Variants in TGFBR2 observed in about 807,000 individuals in gnomAD.
TGFBR2 encodes the protein TGF-beta receptor type-2.
A neutral mutation model predicts 49.0 loss-of-function variants in TGFBR2; 18 were observed. The observed-to-expected ratio is 0.37, with a 90% CI of 0.25 to 0.54. The LOEUF is 0.54. TGFBR2 is among the 20% of genes least tolerant of loss of function. TGFBR2 has a pLI of 0.85. For synonymous variants in TGFBR2, 282 were observed against 275.9 expected (o/e 1.02, Z -0.22); for missense variants, 525 against 722.6 (o/e 0.73, Z 3.13).
rs1392363445 is a variant in TGFBR2, at chr3:30,693,090, T to C, written c.*1491T>C. 4.3e-6 allele frequency: 1 copy of C among 233,180 alleles called. No individual in the cohort carries two copies. The highest frequency in any genetic ancestry group is 2.2e-5 in the African/African-American group (1 of 45,356). 14.4% of individuals were successfully genotyped at this position (233,180 alleles called of 1,614,324 possible). On this transcript the variant is annotated 3_prime_UTR_variant, in exon 7 of 7. Coordinates refer to ENST00000295754, the MANE Select transcript of TGFBR2 (RefSeq NM_003242.6). ...TGACTACCTTATCTGGTGTTAAGAT[T>C]TGAAGTTGGCCTTTTATTGGACTAA...
At chr3:30,622,879 C>CAAAAAAAAAAAAAAAA (rs10575244) in intron 1 of TGFBR2, among the ~76,000 whole-genome samples, 1 of 75,624 alleles carries the variant, frequency 1.3e-5, no homozygotes, top group Non-Finnish European at 2.3e-5. Context: ...GACTTTGTCT[C>CAAAAAAAAAAAAAAAA]AAAAAAAAAA....
At chr3:30,644,712 G>T in intron 1 of TGFBR2, 35 bp from the exon 2 acceptor site, 1 of 1,604,278 alleles carries the variant, frequency 6.2e-7, no homozygotes. Context: ...CCTGGCAGTT[G>T]GATAATCATT....
At chr3:30,632,788 G>A (rs1014356670) in intron 1 of TGFBR2, among the ~76,000 whole-genome samples, 5 of 152,138 alleles carry the variant, frequency 3.3e-5, no homozygotes, top group Non-Finnish European at 5.9e-5. Flanking sequence ...TACATGGGAC[G>A]ATTTCATAAA....
intron 1 of TGFBR2, among the ~76,000 whole-genome samples, chr3:30,624,368 G>C (rs894973311): frequency 2.0e-5 from 3 of 151,952 alleles, no homozygotes; most frequent in Admixed American, 1.3e-4. Context: ...CTGTAATCCC[G>C]GATCTTTGGG....
At position 30,676,715 on chromosome 3, in the gene TGFBR2, G is replaced by A. The variant is rs182570550; in HGVS notation, c.1396+2469G>A. On this transcript the variant is annotated intron_variant, in intron 5 of 6. Transcript: ENST00000295754. This position sits in a 1 kb window ranked among gnomAD's most constrained non-coding sequence, Gnocchi z 4.3. ...GAATATGCATAGCCAATTCTCCAGC[G>A]TGGGTCCGGGTCACCCCCTCCCATC... Among the ~76,000 whole-genome samples the A allele has an allele frequency of 9.2e-5, 14 of 152,304 alleles. No individual in the cohort carries two copies. Among genetic ancestry groups the A allele is most frequent in the Admixed American group, 2.0e-4 (3 of 15,302 alleles).
At chr3:30,657,557 A>G (rs1270698285) in intron 3 of TGFBR2, among the ~76,000 whole-genome samples, 1 of 152,166 alleles carries the variant, frequency 6.6e-6, no homozygotes, top group Non-Finnish European at 1.5e-5. Flanking sequence ...AATAATGAAT[A>G]CTTTTAATAG....
chr3:30,665,517 C>T (rs1265260613), intron 3 of TGFBR2, among the ~76,000 whole-genome samples: 1 of 152,172 alleles, frequency 6.6e-6, no homozygotes, highest in Non-Finnish European at 1.5e-5. Flanking sequence ...CTTATTGTTA[C>T]AAGATTTCAA....
In TGFBR2 at chr3:30,663,978, T is replaced by G. The variant is rs1331181038; in HGVS notation, c.455-7660T>G. ...AAGAGGAAGAGAGGGCTAACTTTTT[T>G]GGGGGGGGGAGTTGGGGGGGCAGGG... On this transcript the variant is annotated intron_variant, in intron 3 of 6. Transcript: ENST00000295754. Among the ~76,000 whole-genome samples the G allele has an allele frequency of 4.1e-5, 3 of 73,700 alleles. No homozygotes were observed. The East Asian group carries it at 1.5e-3, about 38-fold the overall frequency. The allele number at this position is 73,700 out of a possible 152,430, so 48.4% of individuals were successfully genotyped here.
chr3:30,636,067 G>C (rs9858487), intron 1 of TGFBR2, among the ~76,000 whole-genome samples: 146,031 of 152,130 alleles, frequency 0.96, 70,103 homozygotes, highest in East Asian at 1. Flanking sequence ...TGTTTTAGAT[G>C]TCTTGTTGTG....
At chr3:30,662,474 A>G (rs1001242014) in intron 3 of TGFBR2, among the ~76,000 whole-genome samples, 1 of 152,246 alleles carries the variant, frequency 6.6e-6, no homozygotes, top group African/African-American at 2.4e-5. Flanking sequence ...TGCAGTTGGA[A>G]TAAAACAACC....
intron 1 of TGFBR2, among the ~76,000 whole-genome samples, chr3:30,624,451 A>C (rs1310969518): frequency 2.0e-5 from 3 of 151,962 alleles, no homozygotes; most frequent in African/African-American, 4.8e-5. Flanking sequence ...CCCCGTCTCT[A>C]CTAAAAATAC....
At chr3:30,648,461 C>CACACACAA (rs760495841) in intron 2 of TGFBR2, among the ~76,000 whole-genome samples, 1 of 79,200 alleles carries the variant, frequency 1.3e-5, no homozygotes, top group Non-Finnish European at 2.8e-5. Context: ...CACACACACA[C>CACACACAA]AAAACTGTGG....
In TGFBR2 at chr3:30,606,986, TC is replaced by T; in HGVS notation, c.94+13del. 1.3e-6 allele frequency: 2 copies of T among 1,583,544 alleles called. No individual in the cohort carries two copies. Among genetic ancestry groups the T allele is most frequent in the Non-Finnish European group, 1.7e-6 (2 of 1,164,884 alleles). On this transcript the variant is annotated intron_variant, in intron 1 of 6. Transcript: ENST00000295754. The stretch of plus-strand genomic sequence containing the variant: ...GCACGTTCAGAAGTCGGGTGAGTGG[TC>T]CCCAGCCCGGGCTCGGCGGGGCGCC...
At position 30,614,500 on chromosome 3, in the gene TGFBR2, G is replaced by A. The variant is rs1194179107; in HGVS notation, c.94+7523G>A. On this transcript the variant is annotated intron_variant, in intron 1 of 6. Coordinates refer to ENST00000295754, the MANE Select transcript of TGFBR2 (RefSeq NM_003242.6). The stretch of plus-strand genomic sequence containing the variant: ...TATGGGGCGATAACACTGCTGCTTT[G>A]TGGATGACTACCTGTCACGCCCAAA... 2.6e-5 allele frequency among the ~76,000 whole-genome samples: 4 copies of A among 152,296 alleles called. No homozygotes were observed. In the East Asian group the frequency reaches 7.7e-4, roughly 29 times the overall value.
At chr3:30,654,230 G>T (rs183583998) in intron 3 of TGFBR2, among the ~76,000 whole-genome samples, 2 of 152,308 alleles carry the variant, frequency 1.3e-5, no homozygotes, top group Admixed American at 1.3e-4. Flanking sequence ...ATGAGGCTTG[G>T]TTGTCTGTAG....
chr3:30,616,733 G>A (rs1698140372), intron 1 of TGFBR2, among the ~76,000 whole-genome samples: 1 of 152,112 alleles, frequency 6.6e-6, no homozygotes, highest in Admixed American at 6.5e-5. Flanking sequence ...GGTCAGAACT[G>A]AGAAATACCA....
chr3:30,670,796 T>G (rs1422638861), intron 3 of TGFBR2, among the ~76,000 whole-genome samples: 1 of 152,262 alleles, frequency 6.6e-6, no homozygotes, highest in Non-Finnish European at 1.5e-5. Flanking sequence ...GTTTTACCTT[T>G]GCGGCCATGT....
chr3:30,690,694 G>T (rs1277481474), intron 6 of TGFBR2, among the ~76,000 whole-genome samples: 2 of 152,160 alleles, frequency 1.3e-5, no homozygotes, highest in African/African-American at 4.8e-5. Flanking sequence ...TACAGAGACA[G>T]TACAAAATCA....
chr3:30,612,475 T>A (rs1698047513), intron 1 of TGFBR2, among the ~76,000 whole-genome samples: 1 of 152,194 alleles, frequency 6.6e-6, no homozygotes, highest in Admixed American at 6.5e-5. Context: ...ATGTCATCAG[T>A]TCAGTGCTCC....
Sources: allele counts gnomAD v4.1 joint callset (sites outside exome capture counted in the v4.1 genomes callset), GRCh38; gene constraint gnomAD v4.1.1; non-coding constraint Gnocchi (gnomAD v3.1); transcripts MANE v1.5; gene names NCBI Gene and HGNC (gene_info 2026-07-23, HGNC 2026-07-21).